The following FKBP6 variants were observed in gnomAD, a reference collection of about 807,000 sequenced individuals.
FKBP6 encodes inactive peptidyl-prolyl cis-trans isomerase FKBP6.
Under a neutral mutation model 41.7 loss-of-function variants are expected in FKBP6, and 29 were observed. The ratio of observed to expected loss-of-function variants is 0.70; its 90% CI spans 0.52 to 0.95. The LOEUF (loss-of-function observed/expected upper bound fraction) is 0.95, where lower values mean the gene tolerates loss of function less well. FKBP6 is among the 40% of genes least tolerant of loss of function. The probability of loss-of-function intolerance (pLI) is 0.00; values close to 1 mark genes in which losing one functional copy is unlikely to be tolerated. For missense variants in FKBP6, 338 were observed against 408.7 expected, an observed-to-expected ratio of 0.83 and a Z score of 1.49; for synonymous variants, 130 against 165.1, an observed-to-expected ratio of 0.79 and a Z score of 1.63.
At chr7:73,347,598 C>G (rs980325267) in intron 8 of FKBP6, among the ~76,000 whole-genome samples, 8 of 152,172 alleles carry the variant, frequency 5.3e-5, no homozygotes, top group Non-Finnish European at 8.8e-5. Context: ...AAAAATAATT[C>G]AATACTGATG....
chr7:73,337,310 T>C (rs1805035365), intron 5 of FKBP6, among the ~76,000 whole-genome samples: 1 of 98,338 alleles, frequency 1.0e-5, no homozygotes, highest in Non-Finnish European at 2.2e-5. Flanking sequence ...TTCCATGTTC[T>C]TTTTTTTTTT....
intron 5 of FKBP6, among the ~76,000 whole-genome samples, chr7:73,340,402 A>G (rs1554549239): frequency 1.3e-5 from 2 of 152,278 alleles, no homozygotes; most frequent in Admixed American, 1.3e-4. Context: ...CTGTAGTCCC[A>G]GCTACTCAGA....
chr7:73,341,735 C>G (rs1393563744), intron 7 of FKBP6, among the ~76,000 whole-genome samples: 2 of 149,768 alleles, frequency 1.3e-5, no homozygotes, highest in Non-Finnish European at 3.0e-5. Flanking sequence ...ATGATCTCGG[C>G]TCACTGCAAC....
At chr7:73,336,261 T>C (rs1407282622) in intron 5 of FKBP6, among the ~76,000 whole-genome samples, 3 of 152,162 alleles carry the variant, frequency 2.0e-5, no homozygotes, top group African/African-American at 7.2e-5. Flanking sequence ...GTCTTGTCCT[T>C]TCCACCATAA....
At chr7:73,338,418 G>A (rs1487918561) in intron 5 of FKBP6, among the ~76,000 whole-genome samples, 1 of 152,220 alleles carries the variant, frequency 6.6e-6, no homozygotes, top group East Asian at 1.9e-4. Context: ...TCCACTTCGT[G>A]ATTATTATGA....
intron 8 of FKBP6, among the ~76,000 whole-genome samples, chr7:73,356,225 A>G (rs1428799022): frequency 6.6e-6 from 1 of 152,202 alleles, no homozygotes; most frequent in Admixed American, 6.5e-5. Flanking sequence ...GCTGGATAGC[A>G]TTCCATCCTG....
chr7:73,340,504 T>A lies in FKBP6; in HGVS notation c.589-134T>A, dbSNP rs1214270420. Reference sequence around the variant, plus strand: ...AGAAGAAAAAAGAAATATACCTGACTTCTTATGTTGATCTTGTGTCTTGCA... The same window carrying A: ...AGAAGAAAAAAGAAATATACCTGACATCTTATGTTGATCTTGTGTCTTGCA... On this transcript the variant is annotated intron_variant, in intron 5 of 8. Coordinates refer to ENST00000252037, the MANE Select transcript of FKBP6 (RefSeq NM_003602.5). 6 of 727,628 alleles carry A rather than the reference T, an allele frequency of 8.2e-6. No individual in the cohort carries two copies. In the East Asian group the frequency reaches 1.6e-4, roughly 19 times the overall value. The allele number at this position is 727,628 out of a possible 1,614,324, so 45.1% of individuals were successfully genotyped here.
intron 8 of FKBP6, among the ~76,000 whole-genome samples, chr7:73,345,918 G>T (rs1264219728): frequency 6.6e-6 from 1 of 152,122 alleles, no homozygotes; most frequent in Admixed American, 6.5e-5. Context: ...CCCTGTTAGG[G>T]TCTATCCGAG....
At chr7:73,351,956 A>C (rs1554551174) in intron 8 of FKBP6, among the ~76,000 whole-genome samples, 1 of 152,186 alleles carries the variant, frequency 6.6e-6, no homozygotes, top group African/African-American at 2.4e-5. Context: ...CATTGTCTGC[A>C]GGGTGAAGCT....
chr7:73,339,677 G>C (rs1037155000), intron 5 of FKBP6, among the ~76,000 whole-genome samples: 1 of 146,110 alleles, frequency 6.8e-6, no homozygotes, highest in Non-Finnish European at 1.5e-5. Context: ...GCAGTGGTGT[G>C]GTCTCGGTTC....
intron 8 of FKBP6, among the ~76,000 whole-genome samples, chr7:73,350,469 T>A (rs1805458200): frequency 1.3e-5 from 2 of 152,080 alleles, no homozygotes; most frequent in South Asian, 4.1e-4. Context: ...GCTGCTGTAT[T>A]CAGGTGGTGC....
intron 8 of FKBP6, among the ~76,000 whole-genome samples, chr7:73,344,832 G>A (rs1185931636): frequency 6.6e-6 from 1 of 152,144 alleles, no homozygotes; most frequent in Admixed American, 6.6e-5. Flanking sequence ...TGGTCCTCCC[G>A]CCTTGGCCTC....
intron 5 of FKBP6, among the ~76,000 whole-genome samples, chr7:73,332,980 C>A (rs1396750110): frequency 6.6e-6 from 1 of 152,100 alleles, no homozygotes; most frequent in East Asian, 1.9e-4. Context: ...TTTATTCATT[C>A]AACAAACATG....
At chr7:73,348,982 G>A (rs183273967) in intron 8 of FKBP6, among the ~76,000 whole-genome samples, 24 of 152,106 alleles carry the variant, frequency 1.6e-4, no homozygotes, top group Non-Finnish European at 2.8e-4. Flanking sequence ...GTGTGTGCCC[G>A]TGGTCCCAGC....
At position 73,330,221 on chromosome 7, in the gene FKBP6, A is replaced by T; in HGVS notation, c.337A>T (p.Lys113Ter). The stretch of plus-strand genomic sequence containing the variant: ...AGGAGAGCTGGCCAGGTTTCTGTTC[A>T]AACCGAACTACGCCTATGGAACGCT... ...RRGELARFLF[K>*]PNYAYGTLGC... Residue 113 changes from lysine (K) to a stop codon, truncating the protein, a stop_gained, in exon 4 of 9, where the codon AAA (lysine) becomes TAA (stop). Transcript: ENST00000252037. LOFTEE classifies it high-confidence loss of function. The T allele has an allele frequency of 6.2e-7, 1 of 1,614,030 alleles. No homozygotes were observed. The highest frequency in any genetic ancestry group is 8.5e-7 in the Non-Finnish European group (1 of 1,179,916).
At chr7:73,339,610 CTCTT>C (rs1433384467) in intron 5 of FKBP6, among the ~76,000 whole-genome samples, 3 of 145,386 alleles carry the variant, frequency 2.1e-5, no homozygotes, top group Non-Finnish European at 4.5e-5. Flanking sequence ...TTCCATGTGA[CTCTT>C]TTTTTTTTTT....
In FKBP6 at chr7:73,341,399, G is replaced by A. The variant is rs1013488450; in HGVS notation, c.893+17G>A. The A allele has an allele frequency of 1.4e-6, 2 of 1,444,700 alleles. No individual in the cohort carries two copies. Among genetic ancestry groups the A allele is most frequent in the Non-Finnish European group, 9.7e-7 (1 of 1,025,796 alleles). 89.5% of individuals were successfully genotyped at this position (1,444,700 alleles called of 1,614,324 possible). The stretch of plus-strand genomic sequence containing the variant: ...ACTGGCTAGGTGAGCTGTGTTTGCA[G>A]GAGCATGAAGAGAGATGGGTGGGGT... On this transcript the variant is annotated intron_variant, in intron 7 of 8. Coordinates refer to ENST00000252037, the MANE Select transcript of FKBP6 (RefSeq NM_003602.5).
intron 5 of FKBP6, among the ~76,000 whole-genome samples, chr7:73,335,671 C>G (rs782541488): frequency 1.1e-4 from 17 of 152,114 alleles, no homozygotes; most frequent in Non-Finnish European, 2.2e-4. Context: ...CACCAGATAG[C>G]TCTAATTCCT....
chr7:73,352,526 C>T (rs565927625), intron 8 of FKBP6, among the ~76,000 whole-genome samples: 47 of 152,304 alleles, frequency 3.1e-4, no homozygotes, highest in African/African-American at 1.1e-3. Context: ...GCCAGCTTTG[C>T]TGGCTGACCC....
Sources: gnomAD v4.1 joint callset for allele counts (sites outside exome capture counted in the v4.1 genomes callset) on GRCh38, gnomAD v4.1.1 for gene constraint, MANE v1.5 for transcripts, NCBI Gene and HGNC (gene_info 2026-07-23, HGNC 2026-07-21) for gene names.